The following OSBPL1A variants were observed in gnomAD, a reference collection of about 807,000 sequenced individuals.
The protein encoded by OSBPL1A is oxysterol binding protein like 1A.
In OSBPL1A, 80 loss-of-function variants were observed where a neutral mutation model predicts 137.1. That is an observed-to-expected ratio of 0.58 (90% CI 0.49 to 0.70). The LOEUF is 0.70. Among genes scored for constraint, OSBPL1A ranks in the 30% least tolerant of loss-of-function variants. OSBPL1A has a pLI of 0.00. For synonymous variants in OSBPL1A, 365 were observed against 389.7 expected (o/e 0.94, Z 0.75); for missense variants, 970 against 1,129.4 (o/e 0.86, Z 2.02).
chr18:24,282,134 G>A (rs1354634654), intron 14 of OSBPL1A, among the ~76,000 whole-genome samples: 1 of 149,872 alleles, frequency 6.7e-6, no homozygotes, highest in East Asian at 2.0e-4. Flanking sequence ...CCAGTCCCTG[G>A]TGCCAAAAAA....
chr18:24,211,513 T>C (rs958472991), intron 17 of OSBPL1A, among the ~76,000 whole-genome samples: 1 of 152,136 alleles, frequency 6.6e-6, no homozygotes, highest in African/African-American at 2.4e-5. Flanking sequence ...AAAACTGTTG[T>C]AACTTTTTTG....
chr18:24,328,329 G>A (rs1335087200), intron 7 of OSBPL1A, among the ~76,000 whole-genome samples: 1 of 149,928 alleles, frequency 6.7e-6, no homozygotes. Context: ...CAAAGTGCTG[G>A]GATTACAGGT....
intron 21 of OSBPL1A, among the ~76,000 whole-genome samples, chr18:24,175,104 G>GTGTATATATATATATATATATATATATA (rs1491534405): frequency 2.3e-5 from 1 of 42,720 alleles, no homozygotes; most frequent in South Asian, 9.2e-4. Context: ...TTTGCCATGT[G>GTGTATATATATATATATATATATATATA]TATGTATATA....
intron 13 of OSBPL1A, chr18:24,311,682 C>G (rs2090622267): frequency 3.2e-6 from 1 of 316,770 alleles, no homozygotes; most frequent in Non-Finnish European, 5.3e-6. Context: ...GCTCCCCATC[C>G]TCGCAGCAAC....
chr18:24,293,104 CAAAAAAAAA>C (rs1172730345), intron 14 of OSBPL1A, among the ~76,000 whole-genome samples: 25 of 66,382 alleles, frequency 3.8e-4, no homozygotes, highest in South Asian at 1.5e-3. Flanking sequence ...ACTCCCGTCT[CAAAAAAAAA>C]AAAAAAAAAA....
chr18:24,166,010 T>C (rs2086137972), intron 26 of OSBPL1A, among the ~76,000 whole-genome samples: 1 of 151,992 alleles, frequency 6.6e-6, no homozygotes, highest in Admixed American at 6.5e-5. Context: ...GGCACAAGAA[T>C]AGCTCGAACC....
chr18:24,247,697 CG>C (rs34099685), intron 15 of OSBPL1A, among the ~76,000 whole-genome samples: 151,935 of 152,098 alleles, frequency 1, 75,887 homozygotes, highest in Middle Eastern at 1. Flanking sequence ...CTTGAACTCC[CG>C]GGACTCAAAC....
chr18:24,314,206 G>A (rs2090676365), intron 12 of OSBPL1A, 43 bp downstream of exon 12: 2 of 1,326,528 alleles, frequency 1.5e-6, no homozygotes, highest in African/African-American at 1.5e-5. Flanking sequence ...GTCTTTAAAT[G>A]TTCTGTAAGT....
intron 7 of OSBPL1A, among the ~76,000 whole-genome samples, chr18:24,324,785 TAAAAAA>T (rs1426860005): frequency 2.1e-5 from 2 of 95,084 alleles, no homozygotes; most frequent in African/African-American, 4.0e-5. Flanking sequence ...CTCTGTCTAT[TAAAAAA>T]AAAAAAAAAA....
intron 14 of OSBPL1A, among the ~76,000 whole-genome samples, chr18:24,294,276 G>A (rs923240515): frequency 3.3e-5 from 5 of 151,692 alleles, no homozygotes; most frequent in Admixed American, 1.3e-4. Flanking sequence ...CTGTTGCCCA[G>A]GCTGGAGTGC....
rs533116186 is a variant in OSBPL1A at position 24,388,728 on chromosome 18, A to G, written c.-3+8927T>C. ...AGCAGGAGAATCGCTTGAACCCAGGAGGTGGAGGCTGCAGTGAGCCAAGAT... is the reference window on the plus strand; with the variant it reads ...AGCAGGAGAATCGCTTGAACCCAGGGGGTGGAGGCTGCAGTGAGCCAAGAT... On this transcript the variant is annotated intron_variant, in intron 1 of 27. Coordinates refer to ENST00000319481, the MANE Select transcript of OSBPL1A (RefSeq NM_080597.4). Among the ~76,000 whole-genome samples the G allele has an allele frequency of 2.9e-5, 4 of 138,372 alleles. No individual in the cohort carries two copies. In the South Asian group the frequency reaches 7.2e-4, roughly 25 times the overall value. The allele number at this position is 138,372 out of a possible 152,430, so 90.8% of individuals were successfully genotyped here. A position where few individuals can be genotyped will look rare whatever the true frequency, so the allele number is the denominator to read the frequency against.
chr18:24,217,256 C>T (rs982524957), intron 17 of OSBPL1A, among the ~76,000 whole-genome samples: 3 of 129,440 alleles, frequency 2.3e-5, no homozygotes, highest in African/African-American at 5.4e-5. Context: ...ACAAGTTTTG[C>T]TCTTTTTTTT....
At chr18:24,171,948 T>TC (rs1279442281) in intron 22 of OSBPL1A, among the ~76,000 whole-genome samples, 1 of 151,844 alleles carries the variant, frequency 6.6e-6, no homozygotes, top group East Asian at 1.9e-4. Flanking sequence ...TGATCCTTTT[T>TC]TTTTTTTTTT....
At chr18:24,292,484 A>G (rs2090192755) in intron 14 of OSBPL1A, among the ~76,000 whole-genome samples, 1 of 152,184 alleles carries the variant, frequency 6.6e-6, no homozygotes, top group Non-Finnish European at 1.5e-5. Context: ...TTTAAGCTAG[A>G]TAAGTAGGTC....
intron 5 of OSBPL1A, among the ~76,000 whole-genome samples, chr18:24,337,423 A>ACATAACATAACATAAC (rs1568036781): frequency 1.3e-5 from 2 of 151,702 alleles, no homozygotes; most frequent in African/African-American, 2.4e-5. Flanking sequence ...ACATAACATA[A>ACATAACATAACATAAC]AGCCAGGCAT....
intron 17 of OSBPL1A, among the ~76,000 whole-genome samples, chr18:24,214,549 G>C (rs1259664693): frequency 6.6e-6 from 1 of 152,182 alleles, no homozygotes; most frequent in Admixed American, 6.5e-5. Flanking sequence ...CTCAGAACTT[G>C]AACACCTCCA....
chr18:24,370,795 G>A (rs144984833), intron 2 of OSBPL1A, among the ~76,000 whole-genome samples: 1,722 of 152,126 alleles, frequency 0.011, 30 homozygotes, highest in African/African-American at 0.038. Flanking sequence ...AGCCTCCCGA[G>A]TAGCCGGGAC....
At chr18:24,333,708 A>G (rs933387639) in intron 6 of OSBPL1A, among the ~76,000 whole-genome samples, 9 of 152,206 alleles carry the variant, frequency 5.9e-5, no homozygotes, top group Non-Finnish European at 1.3e-4. Context: ...CTGTGCAGGA[A>G]TGGAAGCTGG....
chr18:24,163,367 T>C, intron 27 of OSBPL1A, 86 bp from the exon 28 acceptor site: 3 of 910,492 alleles, frequency 3.3e-6, no homozygotes, highest in South Asian at 1.5e-5. Context: ...TATTATTCTA[T>C]TGCAGCAACT....
Sources: allele counts gnomAD v4.1 joint callset (sites outside exome capture counted in the v4.1 genomes callset), GRCh38; gene constraint gnomAD v4.1.1; transcripts MANE v1.5; gene names NCBI Gene and HGNC (gene_info 2026-07-23, HGNC 2026-07-21).